Variants in TOM1L2 observed in about 807,000 individuals in gnomAD.
TOM1L2 encodes target of myb1 like 2 membrane trafficking protein.
Under a neutral mutation model 67.9 loss-of-function variants are expected in TOM1L2, and 31 were observed. The ratio of observed to expected loss-of-function variants is 0.46; its 90% CI spans 0.34 to 0.62. TOM1L2 has a LOEUF of 0.62. TOM1L2 is among the 20% of genes least tolerant of loss of function. The pLI, the probability that TOM1L2 is intolerant of heterozygous loss-of-function variation, is 0.01. For missense variants in TOM1L2, 606 were observed against 663.5 expected, an observed-to-expected ratio of 0.91 and a Z score of 0.95; for synonymous variants, 256 against 254.0, an observed-to-expected ratio of 1.01 and a Z score of -0.07.
chr17:17,924,778 AAT>A (rs1383438332), intron 1 of TOM1L2, among the ~76,000 whole-genome samples: 1 of 152,186 alleles, frequency 6.6e-6, no homozygotes, highest in African/African-American at 2.4e-5. Context: ...AATAAAATAA[AAT>A]TCTTAAAACT....
chr17:17,940,061 C>T (rs1370441685), intron 1 of TOM1L2, among the ~76,000 whole-genome samples: 1 of 151,872 alleles, frequency 6.6e-6, no homozygotes, highest in East Asian at 1.9e-4. Context: ...GGTGTGGTGG[C>T]GGGTGCCTGT....
intron 1 of TOM1L2, among the ~76,000 whole-genome samples, chr17:17,920,182 T>A (rs1446075078): frequency 6.6e-6 from 1 of 152,110 alleles, no homozygotes; most frequent in East Asian, 1.9e-4. Flanking sequence ...AAGTGTCAAG[T>A]TAAATTAGAT....
At chr17:17,876,872 G>A (rs114873147) in intron 7 of TOM1L2, among the ~76,000 whole-genome samples, 113 of 152,330 alleles carry the variant, frequency 7.4e-4, no homozygotes, top group African/African-American at 2.5e-3. Flanking sequence ...CTGGGGACAC[G>A]CAGAAAGACC....
chr17:17,855,475 G>T (rs1416667192), intron 12 of TOM1L2, among the ~76,000 whole-genome samples: 1 of 152,240 alleles, frequency 6.6e-6, no homozygotes, highest in African/African-American at 2.4e-5. Context: ...CCAGCCAAGA[G>T]AGGCAAAAAG....
chr17:17,884,908 G>T, intron 4 of TOM1L2, 140 bp from the exon 5 acceptor site: 2 of 1,134,552 alleles, frequency 1.8e-6, no homozygotes, highest in Non-Finnish European at 2.5e-6. Flanking sequence ...AACCTATTCT[G>T]TTCCTCTCCT....
chr17:17,845,879 C>T lies in TOM1L2; in HGVS notation c.*1756G>A, dbSNP rs2035618914. On this transcript the variant is annotated 3_prime_UTR_variant, in exon 15 of 15. Coordinates refer to ENST00000379504, the MANE Select transcript of TOM1L2 (RefSeq NM_001082968.2). The stretch of plus-strand genomic sequence containing the variant: ...GCATGTGCTGCCAGAGAGGACAGGG[C>T]TAGAATCAGGCTGGCCACTCCACGG... 6.6e-6 allele frequency: 1 copy of T among 152,436 alleles called. No homozygotes were observed. The highest frequency in any genetic ancestry group is 2.1e-4 in the South Asian group (1 of 4,832). The allele number at this position is 152,436 out of a possible 1,614,324, so 9.4% of individuals were successfully genotyped here. A position where few individuals can be genotyped will look rare whatever the true frequency, so the allele number is the denominator to read the frequency against.
At chr17:17,967,464 A>C (rs117890270) in intron 1 of TOM1L2, among the ~76,000 whole-genome samples, 1 of 152,362 alleles carries the variant, frequency 6.6e-6, no homozygotes, top group African/African-American at 2.4e-5. Flanking sequence ...ATGTCATCCA[A>C]CTCCAAGCAG....
intron 4 of TOM1L2, among the ~76,000 whole-genome samples, chr17:17,892,485 A>G (rs1186241043): frequency 2.6e-5 from 4 of 152,090 alleles, no homozygotes; most frequent in African/African-American, 9.7e-5. Context: ...TCTAAAACCC[A>G]GGTCTGCACA....
At chr17:17,953,519 G>A (rs2041297523) in intron 1 of TOM1L2, among the ~76,000 whole-genome samples, 1 of 152,150 alleles carries the variant, frequency 6.6e-6, no homozygotes, top group South Asian at 2.1e-4. Flanking sequence ...AACTGTTTAA[G>A]AGGCAGATCC....
chr17:17,870,089 A>AC (rs1488399616), intron 7 of TOM1L2, among the ~76,000 whole-genome samples: 1 of 152,192 alleles, frequency 6.6e-6, no homozygotes, highest in Non-Finnish European at 1.5e-5. Context: ...GTTTACTTAC[A>AC]CTTCCAGCAA....
At chr17:17,914,033 C>A (rs1030462369) in intron 1 of TOM1L2, among the ~76,000 whole-genome samples, 3 of 152,198 alleles carry the variant, frequency 2.0e-5, no homozygotes, top group African/African-American at 7.2e-5. Context: ...AGTCCAGGCC[C>A]GCAGGCAAAG....
chr17:17,934,669 C>T (rs762178172), intron 1 of TOM1L2, among the ~76,000 whole-genome samples: 43 of 152,018 alleles, frequency 2.8e-4, no homozygotes, highest in African/African-American at 7.3e-4. Context: ...AAAAATGTGT[C>T]GACCTATACA....
chr17:17,891,557 T>C (rs981106726), intron 4 of TOM1L2, among the ~76,000 whole-genome samples: 1 of 152,134 alleles, frequency 6.6e-6, no homozygotes, highest in African/African-American at 2.4e-5. Context: ...ACACCCCTTG[T>C]GATAACTGTG....
intron 8 of TOM1L2, among the ~76,000 whole-genome samples, chr17:17,867,378 G>A (rs2036911579): frequency 6.6e-6 from 1 of 152,134 alleles, no homozygotes; most frequent in African/African-American, 2.4e-5. Context: ...GCAGGAGGAA[G>A]GCGGACGCAT....
At chr17:17,943,835 T>C (rs2040832717) in intron 1 of TOM1L2, among the ~76,000 whole-genome samples, 1 of 152,176 alleles carries the variant, frequency 6.6e-6, no homozygotes, top group Non-Finnish European at 1.5e-5. Flanking sequence ...TCCTACCCCT[T>C]GCCAGGGCCC....
At chr17:17,866,786 G>C in intron 9 of TOM1L2, 90 bp downstream of exon 9, 3 of 1,284,818 alleles carry the variant, frequency 2.3e-6, no homozygotes, top group Non-Finnish European at 3.4e-6. Context: ...TTCAAAACCA[G>C]TTAGAAAAAC....
intron 13 of TOM1L2, 67 bp from the exon 14 acceptor site, chr17:17,848,926 G>C (rs1220533598): frequency 3.2e-6 from 5 of 1,569,026 alleles, no homozygotes; most frequent in Non-Finnish European, 4.4e-6. Context: ...AGCCACCTCT[G>C]TCTGCCCATG....
chr17:17,947,876 T>C (rs2041020740), intron 1 of TOM1L2, among the ~76,000 whole-genome samples: 1 of 152,226 alleles, frequency 6.6e-6, no homozygotes, highest in African/African-American at 2.4e-5. Context: ...GTCACACTGT[T>C]AAAATAAAGA....
intron 4 of TOM1L2, among the ~76,000 whole-genome samples, chr17:17,892,182 G>A (rs2038321609): frequency 6.6e-6 from 1 of 152,190 alleles, no homozygotes; most frequent in Non-Finnish European, 1.5e-5. Context: ...GAAAGCTGGG[G>A]AAAGACCTTT....
Sources: allele counts gnomAD v4.1 joint callset (sites outside exome capture counted in the v4.1 genomes callset), GRCh38; gene constraint gnomAD v4.1.1; transcripts MANE v1.5; gene names NCBI Gene and HGNC (gene_info 2026-07-23, HGNC 2026-07-21).